Variants in OCA2 observed in about 807,000 individuals in gnomAD.
OCA2 encodes the protein OCA2 melanosomal transmembrane protein.
OCA2 carries 77 observed loss-of-function variants against 100.2 expected under a neutral mutation model. The observed-to-expected ratio is 0.77, with a 90% CI of 0.64 to 0.93. The LOEUF is 0.93. Among genes scored for constraint, OCA2 ranks in the 40% least tolerant of loss-of-function variants. The pLI is 0.00. For missense variants in OCA2, 1,062 were observed against 1,089.1 expected (o/e 0.98, Z 0.35); for synonymous variants, 432 against 439.2 (o/e 0.98, Z 0.21).
intron 21 of OCA2, among the ~76,000 whole-genome samples, chr15:27,860,871 C>T (rs2036104947): frequency 6.6e-6 from 1 of 152,164 alleles, no homozygotes; most frequent in Non-Finnish European, 1.5e-5. Flanking sequence ...GCAGTGAAGT[C>T]AGCAGAGAGA....
At chr15:27,791,707 G>C (rs977920281) in intron 23 of OCA2, among the ~76,000 whole-genome samples, 2 of 152,162 alleles carry the variant, frequency 1.3e-5, no homozygotes, top group Admixed American at 1.3e-4. Context: ...TGGATCCTGA[G>C]GAGAAGCAGG....
At chr15:27,848,469 C>T (rs1038805732) in intron 22 of OCA2, among the ~76,000 whole-genome samples, 1 of 152,202 alleles carries the variant, frequency 6.6e-6, no homozygotes, top group African/African-American at 2.4e-5. Context: ...CCAGGTGTCA[C>T]TTCCCCAGCT....
At chr15:27,871,045 G>A (rs1036711087) in intron 21 of OCA2, 109 bp downstream of exon 21, 11 of 836,782 alleles carry the variant, frequency 1.3e-5, no homozygotes, top group Non-Finnish European at 2.2e-5. Context: ...ACACCTGTGA[G>A]TGCAGCAGAG....
chr15:28,082,027 A>G, intron 1 of OCA2, 132 bp from the exon 2 acceptor site: 1 of 742,114 alleles, frequency 1.3e-6, no homozygotes, highest in Non-Finnish European at 2.3e-6. Context: ...CTAACCACGC[A>G]AGAGCATTTC....
At chr15:27,898,898 A>G (rs181736092) in intron 19 of OCA2, among the ~76,000 whole-genome samples, 9 of 152,378 alleles carry the variant, frequency 5.9e-5, no homozygotes, top group African/African-American at 1.9e-4. Flanking sequence ...ACTAGCATCA[A>G]TTCTATATAA....
At chr15:27,752,797 CCCA>C (rs1182852833), downstream of OCA2, among the ~76,000 whole-genome samples, 1,442 of 43,036 alleles carry the variant, frequency 0.034, 6 homozygotes, top group African/African-American at 0.046. Context: ...GTCCTGGTCC[CCCA>C]CCCCCCCCCC....
chr15:27,910,480 G>A (rs907670753), intron 19 of OCA2, among the ~76,000 whole-genome samples: 3 of 152,074 alleles, frequency 2.0e-5, no homozygotes, highest in African/African-American at 7.2e-5. Context: ...ACAAAATGGG[G>A]TACTATATAG....
At chr15:28,078,770 C>CT (rs138934593) in intron 2 of OCA2, among the ~76,000 whole-genome samples, 10,829 of 152,232 alleles carry the variant, frequency 0.071, 1,167 homozygotes, top group African/African-American at 0.23. Context: ...AATATGTACT[C>CT]TTTTAAGCTG....
intron 4 of OCA2, among the ~76,000 whole-genome samples, chr15:28,026,950 C>T (rs1428037093): frequency 2.6e-5 from 4 of 152,204 alleles, no homozygotes. Flanking sequence ...GAGGGCATCG[C>T]GTGACAGGGT....
At chr15:28,065,462 T>A (rs1374465481) in intron 2 of OCA2, among the ~76,000 whole-genome samples, 1 of 152,168 alleles carries the variant, frequency 6.6e-6, no homozygotes, top group Non-Finnish European at 1.5e-5. Flanking sequence ...CAGCTTATGT[T>A]CTGAGTTAGG....
At chr15:27,796,800 C>G (rs1325223567) in intron 23 of OCA2, among the ~76,000 whole-genome samples, 1 of 152,210 alleles carries the variant, frequency 6.6e-6, no homozygotes. Context: ...CTGTAGCAAG[C>G]ACAGACCTGC....
intron 1 of OCA2, among the ~76,000 whole-genome samples, chr15:28,088,094 G>C (rs2044809947): frequency 6.6e-6 from 1 of 152,094 alleles, no homozygotes; most frequent in African/African-American, 2.4e-5. Context: ...GTCCAAGCAA[G>C]ATTCTTAACA....
intron 2 of OCA2, among the ~76,000 whole-genome samples, chr15:28,076,643 C>T (rs1319027403): frequency 6.6e-6 from 1 of 150,912 alleles, no homozygotes; most frequent in African/African-American, 2.4e-5. Context: ...GTCAGGAGAT[C>T]GAGACCATCC....
chr15:28,090,545 A>G (rs1459592243), intron 1 of OCA2, among the ~76,000 whole-genome samples: 2 of 152,208 alleles, frequency 1.3e-5, no homozygotes, highest in African/African-American at 4.8e-5. Flanking sequence ...ACAAAAAGAG[A>G]GGAGGAAAAT....
intron 21 of OCA2, among the ~76,000 whole-genome samples, chr15:27,867,453 C>T (rs1432625231): frequency 2.0e-5 from 3 of 152,096 alleles, no homozygotes; most frequent in Admixed American, 6.5e-5. Context: ...AATCTACTTG[C>T]ATGCTGCTTA....
At chr15:27,900,458 G>T (rs2594899) in intron 19 of OCA2, among the ~76,000 whole-genome samples, 27,432 of 152,118 alleles carry the variant, frequency 0.18, 6,404 homozygotes, top group African/African-American at 0.54. Context: ...CTCTCTCAGG[G>T]TGTACTGCCT....
At chr15:28,071,172 T>TAA (rs756669802) in intron 2 of OCA2, among the ~76,000 whole-genome samples, 2,522 of 126,002 alleles carry the variant, frequency 0.02, 85 homozygotes, top group African/African-American at 0.068. Context: ...AAAAATAAAT[T>TAA]AAAAAAAAAA....
At chr15:27,913,347 CT>C (rs1256655931) in intron 19 of OCA2, among the ~76,000 whole-genome samples, 3 of 122,820 alleles carry the variant, frequency 2.4e-5, no homozygotes, top group Non-Finnish European at 5.0e-5. Flanking sequence ...AGAAAATTTC[CT>C]TGTTTCCTTG....
chr15:27,917,442 T>C (rs983528520), intron 19 of OCA2, among the ~76,000 whole-genome samples: 36 of 152,334 alleles, frequency 2.4e-4, no homozygotes, highest in African/African-American at 8.7e-4. Context: ...CCTGTGCTCA[T>C]AAACATCATG....
Sources: gnomAD v4.1 joint callset for allele counts (sites outside exome capture counted in the v4.1 genomes callset) on GRCh38, gnomAD v4.1.1 for gene constraint, MANE v1.5 for transcripts, NCBI Gene and HGNC (gene_info 2026-07-23, HGNC 2026-07-21) for gene names.